The following ZNFX1 variants were observed in gnomAD, a reference collection of about 807,000 sequenced individuals.
ZNFX1 encodes the protein NFX1-type zinc finger-containing protein 1.
A neutral mutation model predicts 179.8 loss-of-function variants in ZNFX1; 78 were observed. The observed-to-expected ratio is 0.43, with a 90% CI of 0.36 to 0.52. The LOEUF is 0.52. ZNFX1 is among the 20% of genes least tolerant of loss of function. The pLI is 0.00. For missense variants in ZNFX1, 1,927 were observed against 2,386.6 expected, an observed-to-expected ratio of 0.81 and a Z score of 4.01; for synonymous variants, 848 against 868.5, an observed-to-expected ratio of 0.98 and a Z score of 0.42.
At chr20:49,267,738 G>A (rs1043934353) in intron 3 of ZNFX1, among the ~76,000 whole-genome samples, 1 of 152,160 alleles carries the variant, frequency 6.6e-6, no homozygotes, top group Non-Finnish European at 1.5e-5. Context: ...ATAGGAGCCA[G>A]GATTCTACAG....
At chr20:49,274,507 T>TG (rs1981502644) in intron 2 of ZNFX1, among the ~76,000 whole-genome samples, 1 of 151,870 alleles carries the variant, frequency 6.6e-6, no homozygotes, top group South Asian at 2.1e-4. Flanking sequence ...CCTGTAATGC[T>TG]AGCACTTTGG....
chr20:49,260,512 A>C lies in ZNFX1; in HGVS notation c.2367T>G (p.Gly789=). 1.2e-6 allele frequency: 2 copies of C among 1,613,524 alleles called. No homozygotes were observed. The highest frequency in any genetic ancestry group is 1.7e-6 in the Non-Finnish European group (2 of 1,179,782). The part of the protein sequence containing the change: ...HSMMLEWLGL[G]VGSFTQSVSP... ...AAACACTTTGCGTGAAAGAACCGAC[A>C]CCAAGACCTAGCCACTCCAGCATCA... The change falls in exon 7 of 14, where the codon GGT becomes GGG. Residue 789 remains glycine, a synonymous_variant. Coordinates refer to ENST00000396105, the MANE Select transcript of ZNFX1 (RefSeq NM_021035.3).
chr20:49,250,687 G>C (rs1041218910), intron 13 of ZNFX1, among the ~76,000 whole-genome samples: 1 of 152,110 alleles, frequency 6.6e-6, no homozygotes, highest in Non-Finnish European at 1.5e-5. Context: ...AAGTAGCTGG[G>C]ATTACAGGCG....
At chr20:49,254,745 GGAC>G in intron 9 of ZNFX1, 96 bp from the exon 10 acceptor site, 1 of 116,954 alleles carries the variant, frequency 8.6e-6, no homozygotes, top group South Asian at 6.5e-5. Context: ...AGTGAACCTT[GGAC>G]CCTTGGAGCA....
intron 3 of ZNFX1, among the ~76,000 whole-genome samples, chr20:49,267,457 G>A (rs1034041763): frequency 6.7e-6 from 1 of 149,148 alleles, no homozygotes; most frequent in Non-Finnish European, 1.5e-5. Context: ...TCGTCAAGAC[G>A]TCCAGCTTTG....
intron 7 of ZNFX1, among the ~76,000 whole-genome samples, chr20:49,259,510 C>T (rs903415074): frequency 8.5e-5 from 13 of 152,068 alleles, no homozygotes; most frequent in Non-Finnish European, 1.2e-4. Flanking sequence ...CAGCCTCAAC[C>T]TCCTGAGCTC....
rs532576152 is a variant in ZNFX1 at position 49,260,212 on chromosome 20, C to T, written c.2416+251G>A. On this transcript the variant is annotated intron_variant, in intron 7 of 13. Transcript: ENST00000396105. ...GGCAGGAGAGGAGAATCGCTTGAAC[C>T]TGGAAGGTGGAGGTTGCAGTGAGCC... is the stretch of plus-strand genomic sequence containing the variant. 2.7e-5 allele frequency among the ~76,000 whole-genome samples: 4 copies of T among 150,216 alleles called. No homozygotes were observed. In the East Asian group the frequency reaches 5.9e-4, roughly 22 times the overall value.
intron 3 of ZNFX1, among the ~76,000 whole-genome samples, chr20:49,268,465 G>A (rs1447451896): frequency 6.6e-6 from 1 of 151,978 alleles, no homozygotes; most frequent in Non-Finnish European, 1.5e-5. Flanking sequence ...TGCCCATTTC[G>A]GGAGGAATGT....
chr20:49,275,846 G>A lies in ZNFX1; in HGVS notation c.-7C>T. On this transcript the variant is annotated 5_prime_UTR_variant, in exon 2 of 14. Transcript: ENST00000396105. ...GAGGTCTTCTCTCCTCCATGTCTGA[G>A]TCACCTGAATTCCTTCACGTTACTT... 6.2e-7 allele frequency: 1 copy of A among 1,614,086 alleles called. No individual in the cohort carries two copies. Among genetic ancestry groups the A allele is most frequent in the East Asian group, 2.2e-5 (1 of 44,888 alleles).
rs1173801312 is a variant in ZNFX1 at position 49,264,813 on chromosome 20, T to C, written c.2054A>G (p.Asn685Ser). ...TSIVRVGGRS[N>S]SEILKQFTLR... is the part of the protein sequence containing the mutation. The stretch of plus-strand genomic sequence containing the variant: ...GGTGAACTGCTTCAGGATTTCACTG[T>C]TGCTCCTTCCACCCACCCGCACAAT... Residue 685 changes from asparagine to serine, a missense_variant, in exon 5 of 14, where the codon AAC becomes AGC. Coordinates refer to ENST00000396105, the MANE Select transcript of ZNFX1 (RefSeq NM_021035.3). The C allele has an allele frequency of 6.2e-7, 1 of 1,614,194 alleles. No individual in the cohort carries two copies. Among genetic ancestry groups the C allele is most frequent in the South Asian group, 1.1e-5 (1 of 91,086 alleles).
chr20:49,260,289 C>A (rs1338028285), intron 7 of ZNFX1, among the ~76,000 whole-genome samples, 174 bp downstream of exon 7: 433 of 116,468 alleles, frequency 3.7e-3, no homozygotes, highest in Admixed American at 4.2e-3. Context: ...AACTCCATCT[C>A]AAAAAAAAAA....
chr20:49,263,391 G>A lies in ZNFX1; in HGVS notation c.2244C>T (p.Tyr748=). ...GCTGGGGTGAGATGTACTTCTGCAG[G>A]TACTGTTCCCGTAGGACACCACGCA... ...CTMRGVLREQ[Y]LQKYISPQHW... is the part of the protein sequence containing the mutation. The change falls in exon 6 of 14, where the codon TAC becomes TAT. Residue 748 remains tyrosine (Y), a synonymous_variant. Transcript: ENST00000396105. 3 of 1,614,008 alleles carry A rather than the reference G, an allele frequency of 1.9e-6. No individual in the cohort carries two copies. Among genetic ancestry groups the A allele is most frequent in the Non-Finnish European group, 2.5e-6 (3 of 1,180,012 alleles).
intron 7 of ZNFX1, among the ~76,000 whole-genome samples, chr20:49,259,121 AAT>A (rs772553089): frequency 0.087 from 12,639 of 145,756 alleles, 797 homozygotes; most frequent in African/African-American, 0.14. Flanking sequence ...AAAAAAAATA[AAT>A]AAATAAATAA....
At chr20:49,260,250 C>A (rs1349489322) in intron 7 of ZNFX1, among the ~76,000 whole-genome samples, 1 of 146,874 alleles carries the variant, frequency 6.8e-6, no homozygotes, top group Non-Finnish European at 1.5e-5. Context: ...GATCACACCA[C>A]TGCACTCCAG....
At position 49,248,108 on chromosome 20, in the gene ZNFX1, C is replaced by T. The variant is rs140751217; in HGVS notation, c.4916G>A (p.Arg1639Gln). ...CTTGATGATTTCAATCTCTTCTAGC[C>T]GCTGTTTTATGCTAGTTCCATACCT... ...NLRYGTSIKQRLEEIEIIKEK... is the reference protein window; with the variant it reads ...NLRYGTSIKQQLEEIEIIKEK... Residue 1639 changes from arginine (R) to glutamine (Q), a missense_variant, in exon 14 of 14, where the codon CGG becomes CAG. By Grantham distance (43) the Arg-to-Gln change is conservative. Transcript: ENST00000396105. This position sits in a 1 kb window ranked among gnomAD's most constrained non-coding sequence, Gnocchi z 4.6. 151 of 1,614,160 alleles carry T rather than the reference C, an allele frequency of 9.4e-5. No homozygotes were observed. In the African/African-American group the frequency reaches 1.6e-3, roughly 17 times the overall value.
At chr20:49,277,093 T>TA (rs1305694831) in intron 1 of ZNFX1, among the ~76,000 whole-genome samples, 1 of 151,356 alleles carries the variant, frequency 6.6e-6, no homozygotes, top group East Asian at 1.9e-4. Context: ...CAGACTGAAG[T>TA]GTTTTTTTTT....
chr20:49,260,589 A>G lies in ZNFX1; in HGVS notation c.2302-12T>C, dbSNP rs1474980363. The G allele has an allele frequency of 6.4e-7, 1 of 1,574,380 alleles. No homozygotes were observed. The highest frequency in any genetic ancestry group is 1.1e-5 in the South Asian group (1 of 87,560). ...ATCCATTCACTATCCTAAGGAAAGA[A>G]GAATGATCATTTGTGAGGATTCTAT... On this transcript the variant is annotated splice_polypyrimidine_tract_variant and intron_variant, in intron 6 of 13. Coordinates refer to ENST00000396105, the MANE Select transcript of ZNFX1 (RefSeq NM_021035.3).
At chr20:49,258,145 G>A (rs1981019053) in intron 7 of ZNFX1, among the ~76,000 whole-genome samples, 1 of 147,758 alleles carries the variant, frequency 6.8e-6, no homozygotes, top group Non-Finnish European at 1.5e-5. Context: ...GCCCAGGCTG[G>A]AGTGCAATGG....
intron 8 of ZNFX1, among the ~76,000 whole-genome samples, chr20:49,256,652 C>T (rs373598055): frequency 6.6e-6 from 1 of 152,212 alleles, no homozygotes; most frequent in African/African-American, 2.4e-5. Context: ...ACAAATCAAC[C>T]TTTCCTGATG....
Sources: gnomAD v4.1 joint callset for allele counts (sites outside exome capture counted in the v4.1 genomes callset) on GRCh38, gnomAD v4.1.1 for gene constraint, Gnocchi (gnomAD v3.1) non-coding constraint, MANE v1.5 for transcripts, NCBI Gene and HGNC (gene_info 2026-07-23, HGNC 2026-07-21) for gene names.